Variants in SLC44A1 observed in about 807,000 individuals in gnomAD.
SLC44A1 encodes the protein solute carrier family 44 member 1.
SLC44A1 carries 26 observed loss-of-function variants against 79.3 expected under a neutral mutation model. That is an observed-to-expected ratio of 0.33 (90% CI 0.24 to 0.46). SLC44A1 has a LOEUF of 0.46. Among genes scored for constraint, SLC44A1 ranks in the 20% least tolerant of loss-of-function variants. The pLI is 1.00. For synonymous variants in SLC44A1, 263 were observed against 286.2 expected (o/e 0.92, Z 0.82); for missense variants, 688 against 798.1 (o/e 0.86, Z 1.66).
intron 1 of SLC44A1, among the ~76,000 whole-genome samples, chr9:105,274,326 C>G (rs1830151442): frequency 6.6e-6 from 1 of 152,216 alleles, no homozygotes; most frequent in Non-Finnish European, 1.5e-5. Flanking sequence ...GCCTTTGTCA[C>G]TGAACAAGAA....
intron 15 of SLC44A1, among the ~76,000 whole-genome samples, chr9:105,417,430 T>C (rs2131512521): frequency 6.6e-6 from 1 of 152,256 alleles, no homozygotes; most frequent in East Asian, 1.9e-4. Context: ...AGCCATACCA[T>C]GCATGTCTTT....
chr9:105,413,878 G>T (rs1829131141), intron 15 of SLC44A1, among the ~76,000 whole-genome samples: 1 of 151,218 alleles, frequency 6.6e-6, no homozygotes, highest in African/African-American at 2.4e-5. Flanking sequence ...AGGCTGGGTG[G>T]TACTTTTGCA....
chr9:105,292,942 G>T (rs781391030), intron 1 of SLC44A1, among the ~76,000 whole-genome samples: 4 of 152,058 alleles, frequency 2.6e-5, no homozygotes, highest in Non-Finnish European at 5.9e-5. Context: ...GGAAGCCAAG[G>T]CTTGATCCAG....
chr9:105,433,316 C>A (rs1829421891), intron 15 of SLC44A1, among the ~76,000 whole-genome samples: 1 of 151,868 alleles, frequency 6.6e-6, no homozygotes, highest in Admixed American at 6.6e-5. Context: ...AACAAACAAA[C>A]AAAAAACTTT....
At chr9:105,343,664 G>A (rs956940732) in intron 4 of SLC44A1, among the ~76,000 whole-genome samples, 2 of 152,178 alleles carry the variant, frequency 1.3e-5, no homozygotes, top group African/African-American at 4.8e-5. Flanking sequence ...TGTTTAAAAA[G>A]AAGGAAGATC....
intron 1 of SLC44A1, among the ~76,000 whole-genome samples, chr9:105,255,425 A>G (rs1360886529): frequency 6.6e-6 from 1 of 152,216 alleles, no homozygotes; most frequent in African/African-American, 2.4e-5. Flanking sequence ...AAAAGTTAAC[A>G]TCCTTTATTT....
intron 12 of SLC44A1, among the ~76,000 whole-genome samples, chr9:105,372,937 G>C (rs1455757297): frequency 6.9e-6 from 1 of 145,478 alleles, no homozygotes; most frequent in African/African-American, 2.6e-5. Context: ...GCGACAGAGC[G>C]AGACTCCGTC....
chr9:105,386,343 A>T (rs892781839), intron 15 of SLC44A1: 4 of 941,912 alleles, frequency 4.2e-6, no homozygotes, highest in Non-Finnish European at 3.8e-6. Flanking sequence ...TAGCATGTTT[A>T]TTTTCAAATA....
chr9:105,280,245 G>A (rs1355482339), intron 1 of SLC44A1, among the ~76,000 whole-genome samples: 7 of 152,186 alleles, frequency 4.6e-5, no homozygotes, highest in Non-Finnish European at 1.0e-4. Context: ...TAGCAATAAT[G>A]GTCATGAGTT....
chr9:105,257,528 C>A (rs563910618), intron 1 of SLC44A1, among the ~76,000 whole-genome samples: 13 of 152,186 alleles, frequency 8.5e-5, no homozygotes, highest in African/African-American at 3.1e-4. Flanking sequence ...CCGTGCCTGG[C>A]TCCCAGATTG....
chr9:105,371,115 A>T (rs1828084161), intron 12 of SLC44A1, among the ~76,000 whole-genome samples: 1 of 152,234 alleles, frequency 6.6e-6, no homozygotes, highest in Non-Finnish European at 1.5e-5. Context: ...ACAGTGAAAG[A>T]TGCTGAAAGA....
chr9:105,407,250 GA>G (rs1385094685), intron 15 of SLC44A1, among the ~76,000 whole-genome samples: 2 of 151,912 alleles, frequency 1.3e-5, no homozygotes, highest in Admixed American at 1.3e-4. Flanking sequence ...GGGCTATAAA[GA>G]AAAAAATACT....
At chr9:105,338,533 G>A (rs1397835305) in intron 4 of SLC44A1, among the ~76,000 whole-genome samples, 1 of 152,112 alleles carries the variant, frequency 6.6e-6, no homozygotes. Context: ...TCCTGCTTCA[G>A]CCTCCTGAGT....
chr9:105,260,213 C>T (rs1352632115), intron 1 of SLC44A1, among the ~76,000 whole-genome samples: 2 of 152,182 alleles, frequency 1.3e-5, no homozygotes, highest in Non-Finnish European at 2.9e-5. Context: ...TCACTGGCCT[C>T]CCAACCCCAT....
chr9:105,250,502 A>G (rs917151816), intron 1 of SLC44A1, among the ~76,000 whole-genome samples: 1 of 152,224 alleles, frequency 6.6e-6, no homozygotes, highest in African/African-American at 2.4e-5. Flanking sequence ...ACTGCAAAGA[A>G]AGAATGAAAT....
At chr9:105,382,805 A>G (rs1828511128) in intron 13 of SLC44A1, among the ~76,000 whole-genome samples, 1 of 152,180 alleles carries the variant, frequency 6.6e-6, no homozygotes, top group African/African-American at 2.4e-5. Flanking sequence ...TTTTTCTAAA[A>G]TATGCATACA....
At chr9:105,295,112 A>G (rs1830692015) in intron 1 of SLC44A1, among the ~76,000 whole-genome samples, 1 of 152,082 alleles carries the variant, frequency 6.6e-6, no homozygotes, top group East Asian at 1.9e-4. Context: ...TCAGACATAG[A>G]TTTTCCACTT....
intron 1 of SLC44A1, among the ~76,000 whole-genome samples, chr9:105,281,178 G>C (rs327946): frequency 0.19 from 28,367 of 152,152 alleles, 4,238 homozygotes; most frequent in African/African-American, 0.42. Context: ...TGGCTGGGGC[G>C]TACCCTGGGA....
chr9:105,323,924 T>C (rs1448369473), intron 3 of SLC44A1, among the ~76,000 whole-genome samples: 2 of 152,208 alleles, frequency 1.3e-5, no homozygotes, highest in South Asian at 4.1e-4. Flanking sequence ...GCATTGCATG[T>C]CCTTTTTTGC....
Sources: allele counts gnomAD v4.1 joint callset (sites outside exome capture counted in the v4.1 genomes callset), GRCh38; gene constraint gnomAD v4.1.1; transcripts MANE v1.5; gene names NCBI Gene and HGNC (gene_info 2026-07-23, HGNC 2026-07-21).